Variants in SEC23IP observed in about 807,000 individuals in gnomAD.
The protein encoded by SEC23IP is SEC23 interacting protein, also known as SEC23-interacting protein.
SEC23IP carries 70 observed loss-of-function variants against 113.4 expected under a neutral mutation model. The observed-to-expected ratio is 0.62, with a 90% confidence interval of 0.51 to 0.75. SEC23IP has a LOEUF of 0.75. Ranked by LOEUF, SEC23IP falls within the 30% of genes least tolerant of loss-of-function variation. The pLI, the probability that SEC23IP is intolerant of heterozygous loss-of-function variation, is 0.00. For synonymous variants in SEC23IP, 398 were observed against 421.0 expected (o/e 0.95, Z 0.67); for missense variants, 1,160 against 1,204.9 (o/e 0.96, Z 0.55).
intron 2 of SEC23IP, among the ~76,000 whole-genome samples, chr10:119,901,981 C>T (rs547113777): frequency 4.6e-5 from 7 of 152,180 alleles, no homozygotes; most frequent in Non-Finnish European, 2.9e-5. Context: ...GCCACTGCAC[C>T]TGGGCTATTT....
chr10:119,930,974 C>T (rs546472041), intron 15 of SEC23IP, among the ~76,000 whole-genome samples: 53 of 152,218 alleles, frequency 3.5e-4, no homozygotes, highest in African/African-American at 1.1e-3. Context: ...AAAGTGATTA[C>T]GCACTCTTAT....
chr10:119,927,365 A>G (rs376924340), intron 13 of SEC23IP, among the ~76,000 whole-genome samples: 1 of 152,190 alleles, frequency 6.6e-6, no homozygotes, highest in Admixed American at 6.5e-5. Context: ...ATTTGTTGCC[A>G]CACAGTTCTG....
At chr10:119,927,283 T>C (rs1370403186) in intron 13 of SEC23IP, among the ~76,000 whole-genome samples, 1 of 152,222 alleles carries the variant, frequency 6.6e-6, no homozygotes, top group Non-Finnish European at 1.5e-5. Context: ...TATTTCCTTA[T>C]TATTGAAGGT....
Position 119,902,504 on chromosome 10 carries a change from G to A in SEC23IP, c.697-295G>A, listed in dbSNP as rs191217796. 4.3e-4 allele frequency among the ~76,000 whole-genome samples: 65 copies of A among 152,226 alleles called. 1 individual carries two copies. In the East Asian group the frequency reaches 4.6e-3, roughly 11 times the overall value. On this transcript the variant is annotated intron_variant, in intron 2 of 18. Transcript: ENST00000369075. ...AATTTTTAATTTTTGTGGGTACATA[G>A]TAGGTATATATGTTTATGGGTTACA...
intron 18 of SEC23IP, 134 bp downstream of exon 18, chr10:119,933,921 A>G (rs565532990): frequency 5.7e-5 from 28 of 488,960 alleles, no homozygotes; most frequent in African/African-American, 2.7e-4. Context: ...AAAATTTGCA[A>G]TAGAGACATT....
At chr10:119,910,134 A>G (rs541552725) in intron 5 of SEC23IP, among the ~76,000 whole-genome samples, 12 of 152,344 alleles carry the variant, frequency 7.9e-5, no homozygotes, top group African/African-American at 2.6e-4. Flanking sequence ...ACCAATGGGT[A>G]TGATATTTTC....
chr10:119,904,503 C>T (rs2134463343), intron 4 of SEC23IP: 2 of 496,362 alleles, frequency 4.0e-6, no homozygotes, highest in African/African-American at 1.9e-5. Flanking sequence ...CATCACAGAT[C>T]TAATAAGGTG....
At position 119,926,172 on chromosome 10, in the gene SEC23IP, C is replaced by T. The variant is rs1294001028; in HGVS notation, c.2258C>T (p.Ala753Val). 2 of 1,614,130 alleles carry T rather than the reference C, an allele frequency of 1.2e-6. No homozygotes were observed. The highest frequency in any genetic ancestry group is 1.7e-5 in the Admixed American group (1 of 60,018). Residue 753 changes from alanine (A) to valine (V), a missense_variant, in exon 13 of 19, where the codon GCT becomes GTT. Physicochemically the swap from Ala to Val is moderately conservative, Grantham distance 64. Coordinates refer to ENST00000369075, the MANE Select transcript of SEC23IP (RefSeq NM_007190.4). ...NEPKRKLPVGACVSSVCVNYE... is the reference protein window; with the variant it reads ...NEPKRKLPVGVCVSSVCVNYE... ...CCAAAGAGGAAACTTCCAGTTGGTGCTTGCGTGTCTTCTGTGTGTGTGAAT... is the reference window on the plus strand; with the variant it reads ...CCAAAGAGGAAACTTCCAGTTGGTGTTTGCGTGTCTTCTGTGTGTGTGAAT...
chr10:119,918,858 CATT>C (rs1324164180), intron 10 of SEC23IP, among the ~76,000 whole-genome samples: 1 of 152,010 alleles, frequency 6.6e-6, no homozygotes, highest in Non-Finnish European at 1.5e-5. Flanking sequence ...TCATATAGCT[CATT>C]ATTTGAGTTT....
At chr10:119,918,728 T>A (rs1447924153) in intron 10 of SEC23IP, among the ~76,000 whole-genome samples, 2 of 152,084 alleles carry the variant, frequency 1.3e-5, no homozygotes, top group Non-Finnish European at 2.9e-5. Context: ...CATCAATAAC[T>A]CTTCAGAGAA....
At chr10:119,919,279 C>T (rs1288296955) in intron 10 of SEC23IP, among the ~76,000 whole-genome samples, 165 bp from the exon 11 acceptor site, 1 of 152,170 alleles carries the variant, frequency 6.6e-6, no homozygotes, top group East Asian at 1.9e-4. Context: ...CAGGCGTGAG[C>T]CACTGGGCCT....
chr10:119,938,345 A>G (rs1323527721), intron 18 of SEC23IP, among the ~76,000 whole-genome samples: 1 of 152,082 alleles, frequency 6.6e-6, no homozygotes, highest in African/African-American at 2.4e-5. Context: ...CAGTTCAGAT[A>G]TTGGAGTTTT....
intron 8 of SEC23IP, 86 bp from the exon 9 acceptor site, chr10:119,917,750 C>A: frequency 1.1e-6 from 1 of 916,466 alleles, no homozygotes; most frequent in Non-Finnish European, 1.7e-6. Flanking sequence ...AGTGTATTTT[C>A]AGGAGTCAAA....
intron 11 of SEC23IP, among the ~76,000 whole-genome samples, chr10:119,920,023 T>C (rs1447959952): frequency 6.6e-6 from 1 of 152,174 alleles, no homozygotes; most frequent in Non-Finnish European, 1.5e-5. Context: ...ATATGAAAAC[T>C]CATAAGAGAA....
rs916068456 is a variant in SEC23IP at position 119,902,841 on chromosome 10, G to A, written c.739G>A (p.Ala247Thr). 6.2e-7 allele frequency: 1 copy of A among 1,614,166 alleles called. No homozygotes were observed. The highest frequency in any genetic ancestry group is 1.7e-5 in the Admixed American group (1 of 60,006). ...GTCACCGGCACAGCAGCAGGTACCT[G>A]CCAGACCTGGGGCTCCCTCTGTTCA... ...VQSPAQQQVP[A>T]RPGAPSVQVP... Residue 247 changes from alanine to threonine, a missense_variant, in exon 3 of 19, where the codon GCC becomes ACC. Coordinates refer to ENST00000369075, the MANE Select transcript of SEC23IP (RefSeq NM_007190.4).
chr10:119,918,994 A>AG (rs1453875683), intron 10 of SEC23IP, among the ~76,000 whole-genome samples: 13 of 29,824 alleles, frequency 4.4e-4, no homozygotes, highest in African/African-American at 1.7e-3. Context: ...CAGAATATTC[A>AG]ATTTTTTTTT....
rs113469768 is a variant in SEC23IP, at chr10:119,935,514, CT to C, written c.*20+1730del. On this transcript the variant is annotated intron_variant, in intron 18 of 18. Coordinates refer to ENST00000369075, the MANE Select transcript of SEC23IP (RefSeq NM_007190.4). The stretch of plus-strand genomic sequence containing the variant: ...TGACACACCGTTATTACCTTTGTGT[CT>C]TTGAGATTGTCCCATATCTATCTAT... 2.8e-3 allele frequency among the ~76,000 whole-genome samples: 427 copies of C among 152,222 alleles called. 3 individuals are homozygous for C. Among genetic ancestry groups the C allele is most frequent in the African/African-American group, 9.8e-3 (405 of 41,516 alleles).
chr10:119,901,052 G>A (rs1206319598), intron 2 of SEC23IP, among the ~76,000 whole-genome samples: 1 of 139,844 alleles, frequency 7.2e-6, no homozygotes, highest in Admixed American at 7.1e-5. Flanking sequence ...AGTGGGGGGG[G>A]GGTCTTGCTC....
chr10:119,899,136 G>A (rs1335837114), intron 2 of SEC23IP, among the ~76,000 whole-genome samples, 177 bp downstream of exon 2: 1 of 152,176 alleles, frequency 6.6e-6, no homozygotes, highest in African/African-American at 2.4e-5. Flanking sequence ...CTTATTGGAT[G>A]GCTCATATTT....
Sources: allele counts gnomAD v4.1 joint callset (sites outside exome capture counted in the v4.1 genomes callset), GRCh38; gene constraint gnomAD v4.1.1; transcripts MANE v1.5; gene names NCBI Gene and HGNC (gene_info 2026-07-23, HGNC 2026-07-21).